Variants in BIRC6 observed in about 807,000 individuals in gnomAD.
The protein encoded by BIRC6 is dual E2 ubiquitin-conjugating enzyme/E3 ubiquitin-protein ligase BIRC6.
In BIRC6, 98 loss-of-function variants were observed where a neutral mutation model predicts 503.3. That is an observed-to-expected ratio of 0.19 (90% CI 0.17 to 0.23). The LOEUF (loss-of-function observed/expected upper bound fraction) is 0.23, where lower values mean the gene tolerates loss of function less well. BIRC6 is among the 10% of genes least tolerant of loss of function. BIRC6 has a pLI of 1.00. For synonymous variants in BIRC6, 2,240 were observed against 2,078.7 expected (o/e 1.08, Z -2.11); for missense variants, 5,360 against 5,806.0 (o/e 0.92, Z 2.50).
intron 65 of BIRC6, among the ~76,000 whole-genome samples, chr2:32,574,235 T>C (rs1351971003): frequency 6.7e-6 from 1 of 148,602 alleles, no homozygotes; most frequent in Non-Finnish European, 1.5e-5. Flanking sequence ...GATCTTGTCC[T>C]CCCCAGTTGC....
intron 6 of BIRC6, among the ~76,000 whole-genome samples, chr2:32,397,564 C>A (rs941379056): frequency 6.9e-6 from 1 of 144,338 alleles, no homozygotes; most frequent in African/African-American, 2.7e-5. Flanking sequence ...ATTGTCTTTC[C>A]CCGTAAAGGC....
chr2:32,443,193 C>A (rs185499889), intron 19 of BIRC6, among the ~76,000 whole-genome samples: 1 of 152,068 alleles, frequency 6.6e-6, no homozygotes, highest in Non-Finnish European at 1.5e-5. Flanking sequence ...ACTGCATATA[C>A]GGGTTCTTAA....
At chr2:32,479,013 G>A (rs897097026) in intron 36 of BIRC6, among the ~76,000 whole-genome samples, 195 bp downstream of exon 36, 6 of 152,120 alleles carry the variant, frequency 3.9e-5, no homozygotes, top group African/African-American at 9.7e-5. Context: ...ATTGATAGTC[G>A]CGATAAATGC....
chr2:32,513,190 G>A (rs2054611308), intron 54 of BIRC6, 36 bp downstream of exon 54: 2 of 1,498,598 alleles, frequency 1.3e-6, no homozygotes, highest in Non-Finnish European at 1.8e-6. Flanking sequence ...TTATCCCCCA[G>A]TACTAGATCA....
At chr2:32,515,937 A>C (rs1222655338) in intron 55 of BIRC6, among the ~76,000 whole-genome samples, 167 bp downstream of exon 55, 1 of 152,226 alleles carries the variant, frequency 6.6e-6, no homozygotes, top group Non-Finnish European at 1.5e-5. Flanking sequence ...ATATGCTGTC[A>C]CTGGAATCAC....
intron 1 of BIRC6, among the ~76,000 whole-genome samples, chr2:32,364,141 A>G (rs2034530768): frequency 6.6e-6 from 1 of 152,250 alleles, no homozygotes. Context: ...GTATTAATCA[A>G]TGGATATGGC....
rs868080228 is a variant in BIRC6 at position 32,585,073 on chromosome 2, G to A, written c.13356-8842G>A. Among the ~76,000 whole-genome samples, 123 of 152,032 alleles carry A rather than the reference G, an allele frequency of 8.1e-4. 1 individual carries two copies. Among genetic ancestry groups the A allele is most frequent in the African/African-American group, 2.9e-3 (120 of 41,372 alleles). On this transcript the variant is annotated intron_variant, in intron 66 of 73. Coordinates refer to ENST00000421745, the MANE Select transcript of BIRC6 (RefSeq NM_016252.4). ...TTGTATGTAATATTTTTGGGGTTTA[G>A]GCCTATAAAGAGTGGGAGGAAATAG...
chr2:32,440,751 T>TTTTTTATTATTA (rs773312894), intron 16 of BIRC6, among the ~76,000 whole-genome samples: 11 of 147,180 alleles, frequency 7.5e-5, no homozygotes, highest in Admixed American at 2.0e-4. Flanking sequence ...TGTTTATTTA[T>TTTTTTATTATTA]TTATTATTAT....
At chr2:32,520,103 A>ACTT (rs1222839687) in intron 57 of BIRC6, among the ~76,000 whole-genome samples, 1 of 152,240 alleles carries the variant, frequency 6.6e-6, no homozygotes, top group African/African-American at 2.4e-5. Context: ...GAAGCTGTGA[A>ACTT]CTGAAGCAAG....
intron 45 of BIRC6, among the ~76,000 whole-genome samples, chr2:32,495,761 G>A (rs1400843739): frequency 6.7e-6 from 1 of 148,176 alleles, no homozygotes; most frequent in Non-Finnish European, 1.5e-5. Flanking sequence ...TTTATATTTA[G>A]GCTTGTTATT....
At chr2:32,381,628 C>T (rs1366754574) in intron 3 of BIRC6, among the ~76,000 whole-genome samples, 1 of 151,408 alleles carries the variant, frequency 6.6e-6, no homozygotes, top group African/African-American at 2.4e-5. Context: ...TCACTGCAAC[C>T]TCCGCCTCGT....
At chr2:32,517,247 TG>T (rs2055153914) in intron 55 of BIRC6, among the ~76,000 whole-genome samples, 1 of 151,968 alleles carries the variant, frequency 6.6e-6, no homozygotes, top group Admixed American at 6.6e-5. Context: ...AGGCTTGAGG[TG>T]GGAGGATCAC....
intron 32 of BIRC6, 29 bp from the exon 33 acceptor site, chr2:32,473,080 AATT>A: frequency 6.6e-7 from 1 of 1,523,236 alleles, no homozygotes; most frequent in Admixed American, 2.2e-5. Flanking sequence ...CATTTAACAG[AATT>A]ATTAATACAA....
At position 32,377,581 on chromosome 2, in the gene BIRC6, T is replaced by G; in HGVS notation, c.326-7T>G. The G allele has an allele frequency of 1.3e-6, 2 of 1,593,570 alleles. No individual in the cohort carries two copies. Among genetic ancestry groups the G allele is most frequent in the South Asian group, 2.3e-5 (2 of 87,136 alleles). ...TCTTAAGTGTTGAATTTTTGTTCTTTTAACAGCTAAACCAGGTGGACAGGT... is the reference window on the plus strand; with the variant it reads ...TCTTAAGTGTTGAATTTTTGTTCTTGTAACAGCTAAACCAGGTGGACAGGT... On this transcript the variant is annotated splice_polypyrimidine_tract_variant and splice_region_variant and intron_variant, in intron 1 of 73. Coordinates refer to ENST00000421745, the MANE Select transcript of BIRC6 (RefSeq NM_016252.4).
In BIRC6 at chr2:32,435,558, C is replaced by A. The variant is rs1023120649; in HGVS notation, c.3472C>A (p.Gln1158Lys). 4 of 1,554,754 alleles carry A rather than the reference C, an allele frequency of 2.6e-6. No individual in the cohort carries two copies. In the Admixed American group the frequency reaches 5.9e-5, roughly 23 times the overall value. Residue 1158 changes from glutamine (Q) to lysine (K), a missense_variant, in exon 14 of 74, where the codon CAG becomes AAG. This residue lies in a region of BIRC6 where 2,299 missense variants were observed against 2,267.2 expected (regional missense o/e 1.01). Coordinates refer to ENST00000421745, the MANE Select transcript of BIRC6 (RefSeq NM_016252.4). ...CCTGGTTGATTTGAATGAAGAAATG[C>A]AGCACATGGATGTAGAGGAATCACA... Reference protein sequence around the residue: ...PSLVDLNEEMQHMDVEESQCL... With the variant: ...PSLVDLNEEMKHMDVEESQCL...
intron 41 of BIRC6, among the ~76,000 whole-genome samples, chr2:32,488,128 G>A (rs531712747): frequency 6.6e-6 from 1 of 152,078 alleles, no homozygotes; most frequent in South Asian, 2.1e-4. Context: ...ATTGCTTAAG[G>A]CCAGGAGTTC....
At chr2:32,393,726 G>A (rs1338353621) in intron 5 of BIRC6, among the ~76,000 whole-genome samples, 1 of 152,072 alleles carries the variant, frequency 6.6e-6, no homozygotes, top group East Asian at 1.9e-4. Context: ...TCACTGTGTT[G>A]CCCAGGCTGG....
intron 65 of BIRC6, among the ~76,000 whole-genome samples, chr2:32,550,935 T>C (rs898830760): frequency 6.6e-6 from 1 of 152,152 alleles, no homozygotes; most frequent in African/African-American, 2.4e-5. Flanking sequence ...GACCTTTCTT[T>C]TATGATGTAT....
At chr2:32,511,054 A>G (rs1463682253) in intron 53 of BIRC6, among the ~76,000 whole-genome samples, 1 of 152,022 alleles carries the variant, frequency 6.6e-6, no homozygotes, top group South Asian at 2.1e-4. Context: ...GGTTCTGTTT[A>G]TTTATTATTG....
Sources: gnomAD v4.1 joint callset for allele counts (sites outside exome capture counted in the v4.1 genomes callset) on GRCh38, gnomAD v4.1.1 for gene constraint, gnomAD v4.1.1 regional missense constraint, MANE v1.5 for transcripts, NCBI Gene and HGNC (gene_info 2026-07-23, HGNC 2026-07-21) for gene names.